The following RNF152 variants were observed in gnomAD, a reference collection of about 807,000 sequenced individuals.
RNF152 encodes ring finger protein 152, also known as E3 ubiquitin-protein ligase RNF152.
In RNF152, 11 loss-of-function variants were observed where a neutral mutation model predicts 12.7. The ratio of observed to expected loss-of-function variants is 0.86; its 90% CI spans 0.54 to 1.43. The LOEUF (loss-of-function observed/expected upper bound fraction) is 1.43, where lower values mean the gene tolerates loss of function less well. Ranked by LOEUF, RNF152 falls within the 40% of genes most tolerant of loss-of-function variation. The pLI is 0.00. For synonymous variants in RNF152, 113 were observed against 120.3 expected (o/e 0.94, Z 0.40); for missense variants, 255 against 274.8 (o/e 0.93, Z 0.51).
chr18:61,827,032 A>G (rs8095322), intron 1 of RNF152, among the ~76,000 whole-genome samples: 43,840 of 152,114 alleles, frequency 0.29, 6,728 homozygotes, highest in Non-Finnish European at 0.35. Flanking sequence ...ATATGGATCT[A>G]TTATTTCAAC....
chr18:61,877,086 A>G (rs2144748933), intron 1 of RNF152, among the ~76,000 whole-genome samples: 1 of 152,346 alleles, frequency 6.6e-6, no homozygotes, highest in South Asian at 2.1e-4. Context: ...AGACCACTGA[A>G]CCAAACACAA....
At chr18:61,849,136 C>T (rs1472618106) in intron 1 of RNF152, among the ~76,000 whole-genome samples, 1 of 152,140 alleles carries the variant, frequency 6.6e-6, no homozygotes, top group Non-Finnish European at 1.5e-5. Flanking sequence ...TCTCGCTCCA[C>T]TGAGGGGAGA....
chr18:61,869,323 A>G (rs1419811999), intron 1 of RNF152, among the ~76,000 whole-genome samples: 1 of 152,214 alleles, frequency 6.6e-6, no homozygotes, highest in Admixed American at 6.5e-5. Context: ...CAAGTGTTCA[A>G]AGAAAACTGG....
rs75439340 is a variant in RNF152, at chr18:61,860,734, T to C, written c.-136+32061A>G. Among the ~76,000 whole-genome samples the C allele has an allele frequency of 6.6e-5, 10 of 152,356 alleles. No individual in the cohort carries two copies. The East Asian group carries it at 1.9e-3, about 29-fold the overall frequency. On this transcript the variant is annotated intron_variant, in intron 1 of 1. Coordinates refer to ENST00000312828, the MANE Select transcript of RNF152 (RefSeq NM_173557.3). The stretch of plus-strand genomic sequence containing the variant: ...CCCCAGGCAAGTGGTTCAGGAGGTA[T>C]CCAGAAGAAGGCACTGCTGTCACAG...
intron 1 of RNF152, among the ~76,000 whole-genome samples, chr18:61,833,300 TCTAA>T (rs376461385): frequency 2.4e-4 from 36 of 152,302 alleles, no homozygotes; most frequent in African/African-American, 7.2e-4. Flanking sequence ...AAAATAATTC[TCTAA>T]CTAATACTCT....
chr18:61,846,815 GA>G (rs1248210906), intron 1 of RNF152, among the ~76,000 whole-genome samples: 1 of 152,126 alleles, frequency 6.6e-6, no homozygotes, highest in East Asian at 1.9e-4. Flanking sequence ...CTGATATCTA[GA>G]AGCACTAAAC....
chr18:61,844,156 AGG>A, intron 1 of RNF152, among the ~76,000 whole-genome samples: 2 of 68,246 alleles, frequency 2.9e-5, no homozygotes, highest in Non-Finnish European at 4.5e-5. Flanking sequence ...GAGAAAAGGA[AGG>A]AAGGGAGGAA....
At chr18:61,885,182 T>C (rs141146590) in intron 1 of RNF152, among the ~76,000 whole-genome samples, 2 of 152,236 alleles carry the variant, frequency 1.3e-5, no homozygotes, top group Non-Finnish European at 2.9e-5. Context: ...TCTCATATTA[T>C]TAATCTTCGA....
intron 1 of RNF152, among the ~76,000 whole-genome samples, chr18:61,874,237 A>G (rs866989110): frequency 6.6e-6 from 1 of 152,256 alleles, no homozygotes; most frequent in Non-Finnish European, 1.5e-5. Context: ...CCGCAGTTTA[A>G]CAGCGCATGA....
intron 1 of RNF152, among the ~76,000 whole-genome samples, chr18:61,884,629 G>A (rs1370852629): frequency 3.3e-5 from 5 of 152,092 alleles, no homozygotes; most frequent in African/African-American, 1.2e-4. Context: ...CACAATCTCA[G>A]CTCACTGCAA....
intron 1 of RNF152, among the ~76,000 whole-genome samples, chr18:61,857,981 C>T (rs79726000): frequency 0.087 from 13,282 of 152,162 alleles, 1,941 homozygotes; most frequent in African/African-American, 0.3. Context: ...TTTAGCTTTA[C>T]GTTTGGGTCT....
At chr18:61,886,547 T>C (rs374318370) in intron 1 of RNF152, among the ~76,000 whole-genome samples, 7 of 152,394 alleles carry the variant, frequency 4.6e-5, no homozygotes, top group African/African-American at 1.7e-4. Flanking sequence ...TGTAGGCTAA[T>C]TGCAGGTCAC....
chr18:61,867,512 C>T (rs1369939142), intron 1 of RNF152, among the ~76,000 whole-genome samples: 8 of 150,476 alleles, frequency 5.3e-5, no homozygotes, highest in Admixed American at 4.0e-4. Context: ...ATAGTTGTTT[C>T]CTGGGAGGAG....
intron 1 of RNF152, chr18:61,888,086 T>C (rs191860008): frequency 1.3e-5 from 2 of 152,348 alleles, no homozygotes; most frequent in Admixed American, 1.3e-4. Flanking sequence ...ATGAGTTTTA[T>C]TTATGCAGGC....
chr18:61,808,810 T>C lies in RNF152; in HGVS notation c.*7042A>G, dbSNP rs544954072. On this transcript the variant is annotated 3_prime_UTR_variant, in exon 2 of 2. Transcript: ENST00000312828. ...CCTTGCATTCCATGGTTAAGAGGATTCTAGAGTCTGTCTGCACTGACGTGG... is the reference window on the plus strand; with the variant it reads ...CCTTGCATTCCATGGTTAAGAGGATCCTAGAGTCTGTCTGCACTGACGTGG... The C allele has an allele frequency of 5.0e-4, 76 of 152,368 alleles. 1 individual carries two copies. Among genetic ancestry groups the C allele is most frequent in the African/African-American group, 1.6e-3 (68 of 41,584 alleles). The allele number at this position is 152,368 out of a possible 1,614,324, so 9.4% of individuals were successfully genotyped here. A position where few individuals can be genotyped will look rare whatever the true frequency, so the allele number is the denominator to read the frequency against.
intron 1 of RNF152, among the ~76,000 whole-genome samples, chr18:61,886,701 C>T (rs1912716037): frequency 6.6e-6 from 1 of 152,192 alleles, no homozygotes; most frequent in African/African-American, 2.4e-5. Flanking sequence ...GATGACAAGA[C>T]ATCCTGGGAC....
intron 1 of RNF152, among the ~76,000 whole-genome samples, chr18:61,850,716 TA>T (rs1205247796): frequency 2.6e-5 from 4 of 152,316 alleles, no homozygotes; most frequent in African/African-American, 4.8e-5. Flanking sequence ...AATGCTACCC[TA>T]AAAACAGAGA....
chr18:61,831,915 ATG>A (rs200699783), intron 1 of RNF152, among the ~76,000 whole-genome samples: 8 of 103,876 alleles, frequency 7.7e-5, no homozygotes, highest in East Asian at 4.7e-4. Flanking sequence ...ATATAGTATT[ATG>A]TGTGTGGGGG....
intron 1 of RNF152, among the ~76,000 whole-genome samples, chr18:61,860,450 C>T (rs1273213974): frequency 6.6e-6 from 1 of 152,206 alleles, no homozygotes; most frequent in Non-Finnish European, 1.5e-5. Flanking sequence ...TGGAAAATTC[C>T]TATTGCCTGG....
Sources: gnomAD v4.1 joint callset for allele counts (sites outside exome capture counted in the v4.1 genomes callset) on GRCh38, gnomAD v4.1.1 for gene constraint, MANE v1.5 for transcripts, NCBI Gene and HGNC (gene_info 2026-07-23, HGNC 2026-07-21) for gene names.